The following BRWD1 variants were observed in gnomAD, a reference collection of about 807,000 sequenced individuals.
BRWD1 encodes bromodomain and WD repeat-containing protein 1.
A neutral mutation model predicts 251.2 loss-of-function variants in BRWD1; 82 were observed. That is an observed-to-expected ratio of 0.33 (90% confidence interval 0.27 to 0.39). The LOEUF (loss-of-function observed/expected upper bound fraction) is 0.39. Among genes scored for constraint, BRWD1 ranks in the 10% least tolerant of loss-of-function variants. The probability of loss-of-function intolerance (pLI) is 1.00; values close to 1 mark genes in which losing one functional copy is unlikely to be tolerated. For synonymous variants in BRWD1, 918 were observed against 902.8 expected (o/e 1.02, Z -0.30); for missense variants, 2,233 against 2,711.6 (o/e 0.82, Z 3.92).
At chr21:39,268,940 A>T (rs951820589) in intron 15 of BRWD1, among the ~76,000 whole-genome samples, 3 of 152,102 alleles carry the variant, frequency 2.0e-5, no homozygotes, top group Admixed American at 6.6e-5. Context: ...GTGAGTTGAG[A>T]TTGCGCCACT....
intron 21 of BRWD1, among the ~76,000 whole-genome samples, chr21:39,242,938 GAC>G (rs1399039986): frequency 6.6e-6 from 1 of 152,134 alleles, no homozygotes; most frequent in African/African-American, 2.4e-5. Flanking sequence ...ACTGCTTGTG[GAC>G]AATAGACCTA....
chr21:39,298,027 C>G (rs2146761295), intron 5 of BRWD1: 1 of 986,378 alleles, frequency 1.0e-6, no homozygotes, highest in Non-Finnish European at 1.2e-6. Flanking sequence ...AAAATCACTT[C>G]CCTTTATAAC....
intron 4 of BRWD1, among the ~76,000 whole-genome samples, chr21:39,310,149 GAT>G (rs1176887239): frequency 6.6e-6 from 1 of 152,234 alleles, no homozygotes; most frequent in African/African-American, 2.4e-5. Context: ...GATGTCCATT[GAT>G]AGTTTCTTAA....
chr21:39,305,124 T>A (rs2036245650), intron 4 of BRWD1, among the ~76,000 whole-genome samples: 2 of 152,070 alleles, frequency 1.3e-5, no homozygotes, highest in Non-Finnish European at 2.9e-5. Context: ...CATGCCTGGC[T>A]AATTTTTCTA....
At chr21:39,260,786 A>C (rs1051678787) in intron 17 of BRWD1, among the ~76,000 whole-genome samples, 18 of 152,178 alleles carry the variant, frequency 1.2e-4, no homozygotes, top group African/African-American at 4.3e-4. Flanking sequence ...GCATCCACAG[A>C]TCTAACTGAG....
At chr21:39,294,582 G>C (rs1409932098) in intron 7 of BRWD1, among the ~76,000 whole-genome samples, 1 of 150,956 alleles carries the variant, frequency 6.6e-6, no homozygotes, top group Non-Finnish European at 1.5e-5. Context: ...GTGAACCCAG[G>C]AGACAGAGCT....
At chr21:39,272,008 CAAAAAA>C (rs376900840) in intron 13 of BRWD1, among the ~76,000 whole-genome samples, 36 of 115,176 alleles carry the variant, frequency 3.1e-4, no homozygotes, top group Middle Eastern at 5.5e-3. Flanking sequence ...CACTCCATTT[CAAAAAA>C]AAAAAAAAAA....
At chr21:39,314,173 T>C, upstream of BRWD1, 1 of 455,894 alleles carries the variant, frequency 2.2e-6, no homozygotes, top group South Asian at 1.5e-5. Flanking sequence ...AAAGTGAGGA[T>C]TGGCTCGCCG....
chr21:39,249,029 G>C (rs2034302961), intron 20 of BRWD1, among the ~76,000 whole-genome samples: 1 of 151,038 alleles, frequency 6.6e-6, no homozygotes, highest in Admixed American at 6.6e-5. Flanking sequence ...ATACTACCCA[G>C]CCATAAAAAA....
At chr21:39,283,097 T>C (rs1321147766) in intron 8 of BRWD1, among the ~76,000 whole-genome samples, 2 of 152,206 alleles carry the variant, frequency 1.3e-5, no homozygotes, top group South Asian at 2.1e-4. Context: ...CATCTATTCA[T>C]GGACTGATAT....
At chr21:39,290,177 G>T (rs978005962) in intron 8 of BRWD1, among the ~76,000 whole-genome samples, 3 of 151,740 alleles carry the variant, frequency 2.0e-5, no homozygotes, top group Non-Finnish European at 4.4e-5. Context: ...TTCATCAGTT[G>T]TGTTCAGATG....
rs749743997 is a variant in BRWD1 at position 39,199,561 on chromosome 21, T to C, written c.4855A>G (p.Lys1619Glu). Reference sequence around the variant, plus strand: ...TTTCGGTTATTTCCAGCTCTGGCTTTTAGAATTTCACCAGTCTCCAATGAA... The same window carrying C: ...TTTCGGTTATTTCCAGCTCTGGCTTCTAGAATTTCACCAGTCTCCAATGAA... Reference protein sequence around the residue: ...NNSLETGEILKARAGNNRKVL... With the variant: ...NNSLETGEILEARAGNNRKVL... The change falls in exon 40 of 41, where the codon AAA (lysine) becomes GAA (glutamate). Residue 1619 changes from lysine to glutamate, a missense_variant. Transcript: ENST00000342449. 7 of 1,614,072 alleles carry C rather than the reference T, an allele frequency of 4.3e-6. No homozygotes were observed. In the African/African-American group the frequency reaches 8.0e-5, roughly 18 times the overall value.
chr21:39,245,815 G>A (rs976423822), intron 21 of BRWD1, among the ~76,000 whole-genome samples: 2 of 152,062 alleles, frequency 1.3e-5, no homozygotes, highest in Non-Finnish European at 2.9e-5. Flanking sequence ...GGCCAAGCTG[G>A]TCTTGAAGTC....
At chr21:39,229,798 A>G (rs1203777638) in intron 25 of BRWD1, among the ~76,000 whole-genome samples, 1 of 152,180 alleles carries the variant, frequency 6.6e-6, no homozygotes, top group African/African-American at 2.4e-5. Flanking sequence ...CAGTAGCACA[A>G]TCATGGCTCA....
chr21:39,295,371 T>G (rs1466344942), intron 7 of BRWD1, among the ~76,000 whole-genome samples: 1 of 151,792 alleles, frequency 6.6e-6, no homozygotes, highest in African/African-American at 2.4e-5. Flanking sequence ...GTATTTTTAG[T>G]AGAGATGGGG....
chr21:39,261,797 G>T (rs1215976926), intron 17 of BRWD1, among the ~76,000 whole-genome samples: 3 of 151,424 alleles, frequency 2.0e-5, no homozygotes, highest in Admixed American at 6.6e-5. Context: ...AAGGAAAAAG[G>T]CACAAAGAAT....
chr21:39,251,591 G>A (rs1020717023), intron 19 of BRWD1, among the ~76,000 whole-genome samples: 1 of 152,116 alleles, frequency 6.6e-6, no homozygotes, highest in Non-Finnish European at 1.5e-5. Flanking sequence ...ATGCTGTAAG[G>A]ATAAAAACTG....
At chr21:39,208,140 T>C (rs1383821367) in intron 36 of BRWD1, among the ~76,000 whole-genome samples, 1 of 152,224 alleles carries the variant, frequency 6.6e-6, no homozygotes, top group Non-Finnish European at 1.5e-5. Flanking sequence ...TAGTTAACCA[T>C]AGTTTTGAAC....
At chr21:39,252,466 A>T (rs1157888035) in intron 19 of BRWD1, among the ~76,000 whole-genome samples, 2 of 152,152 alleles carry the variant, frequency 1.3e-5, no homozygotes, top group African/African-American at 4.8e-5. Context: ...CAGAAAACAA[A>T]TTTTTAAATA....
Sources: allele counts gnomAD v4.1 joint callset (sites outside exome capture counted in the v4.1 genomes callset), GRCh38; gene constraint gnomAD v4.1.1; transcripts MANE v1.5; gene names NCBI Gene and HGNC (gene_info 2026-07-23, HGNC 2026-07-21).